AP3D1: variants seen among roughly 807,000 people sequenced by gnomAD.
AP3D1 encodes the protein AP-3 complex subunit delta-1.
AP3D1 carries 51 observed loss-of-function variants against 147.6 expected under a neutral mutation model. The ratio of observed to expected loss-of-function variants is 0.35; its 90% CI spans 0.28 to 0.44. The LOEUF (loss-of-function observed/expected upper bound fraction) is 0.44, where lower values mean the gene tolerates loss of function less well. AP3D1 is among the 20% of genes least tolerant of loss of function. AP3D1 has a pLI of 1.00. For synonymous variants in AP3D1, 760 were observed against 663.0 expected (o/e 1.15, Z -2.25); for missense variants, 1,421 against 1,624.2 (o/e 0.87, Z 2.15).
chr19:2,147,326 CA>C (rs1460838320), intron 1 of AP3D1, among the ~76,000 whole-genome samples: 1 of 92,516 alleles, frequency 1.1e-5, no homozygotes, highest in African/African-American at 4.3e-5. Flanking sequence ...GCCTGGGCAA[CA>C]AGAGCAAAAC....
At chr19:2,129,583 T>G (rs756992145) in intron 6 of AP3D1, 126 bp from the exon 7 acceptor site, 2 of 1,176,196 alleles carry the variant, frequency 1.7e-6, no homozygotes, top group Non-Finnish European at 2.3e-6. Context: ...GCCCTGGCTC[T>G]GCCACCTCCT....
intron 9 of AP3D1, 86 bp from the exon 10 acceptor site, chr19:2,123,965 C>G: frequency 7.0e-7 from 1 of 1,435,192 alleles, no homozygotes; most frequent in Non-Finnish European, 9.6e-7. Context: ...CCAGCACCCC[C>G]TCGCCGGGAG....
chr19:2,155,849 G>A (rs1014939390), upstream of AP3D1, among the ~76,000 whole-genome samples: 2 of 152,078 alleles, frequency 1.3e-5, no homozygotes, highest in African/African-American at 4.8e-5. Flanking sequence ...TCAGGAGATT[G>A]AGACCATCCT....
chr19:2,118,946 C>T, intron 14 of AP3D1, 114 bp from the exon 15 acceptor site: 4 of 990,040 alleles, frequency 4.0e-6, no homozygotes, highest in Non-Finnish European at 5.9e-6. Context: ...CTGGGCCCTT[C>T]CCATTCCCTG....
Position 2,138,637 on chromosome 19 carries a change from C to G in AP3D1, c.174G>C (p.Ala58=), listed in dbSNP as rs1043664528. The change falls in exon 2 of 32, where the codon GCG becomes GCC. Residue 58 remains alanine (A), a synonymous_variant. Coordinates refer to ENST00000643116, the MANE Select transcript of AP3D1 (RefSeq NM_001261826.3). Reference sequence around the variant, plus strand: ...CACTTACATACGTCAGCTTGCAGACCGCGTTCGCCTTCACCGCTATGTTGT... The same window carrying G: ...CACTTACATACGTCAGCTTGCAGACGGCGTTCGCCTTCACCGCTATGTTGT... ...KQDNIAVKAN[A]VCKLTYLQML... is the part of the protein sequence containing the mutation. 6.2e-7 allele frequency: 1 copy of G among 1,613,882 alleles called. No homozygotes were observed. The highest frequency in any genetic ancestry group is 1.3e-5 in the African/African-American group (1 of 75,032).
In AP3D1 at chr19:2,115,600, G is replaced by T. The variant is rs770437984; in HGVS notation, c.2087C>A (p.Thr696Asn). The change falls in exon 19 of 32, where the codon ACC becomes AAC. Residue 696 changes from threonine to asparagine, a missense_variant. By Grantham distance (65) the Thr-to-Asn change is moderately conservative. This residue lies in a region of AP3D1 where 791 missense variants were observed against 761.4 expected (regional missense o/e 1.04). Coordinates refer to ENST00000643116, the MANE Select transcript of AP3D1 (RefSeq NM_001261826.3). Reference protein sequence around the residue: ...SPSPQKRYQDTPGVEHIPVVQ... With the variant: ...SPSPQKRYQDNPGVEHIPVVQ... ...CACGGGAATGTGCTCCACGCCCGGG[G>T]TGTCCTGGTACCGCTGCAAAGGCAA... 6.2e-7 allele frequency: 1 copy of T among 1,612,912 alleles called. No homozygotes were observed.
chr19:2,163,716 C>T (rs2019792262), intron 1 of AP3D1, among the ~76,000 whole-genome samples: 2 of 152,070 alleles, frequency 1.3e-5, no homozygotes, highest in Middle Eastern at 3.4e-3. Flanking sequence ...CCGCTTCGGG[C>T]CGGCGAGTGG....
intron 11 of AP3D1, 39 bp from the exon 12 acceptor site, chr19:2,121,918 A>G (rs372855806): frequency 6.3e-7 from 1 of 1,578,634 alleles, no homozygotes; most frequent in African/African-American, 1.4e-5. Flanking sequence ...TGGGACGGAC[A>G]CAGGCAGCAG....
In AP3D1 at chr19:2,105,436, CG is replaced by C. The variant is rs1229806121; in HGVS notation, c.3553-3169del. On this transcript the variant is annotated intron_variant, in intron 31 of 31. Transcript: ENST00000643116. ...CTTAAGCCACAAACAATAGCATGAG[CG>C]AGCTGTGTCTTCAGGGCGTGTTCCT... Among the ~76,000 whole-genome samples the C allele has an allele frequency of 2.0e-5, 3 of 152,248 alleles. No individual in the cohort carries two copies. The East Asian group carries it at 5.8e-4, about 29-fold the overall frequency.
chr19:2,117,536 C>A (rs186756875), intron 15 of AP3D1, among the ~76,000 whole-genome samples, 169 bp from the exon 16 acceptor site: 2 of 152,224 alleles, frequency 1.3e-5, no homozygotes, highest in African/African-American at 4.8e-5. Context: ...TCATCATCCT[C>A]GCCAGGAAGC....
At chr19:2,140,324 C>T (rs971495986) in intron 1 of AP3D1, among the ~76,000 whole-genome samples, 3 of 152,050 alleles carry the variant, frequency 2.0e-5, no homozygotes, top group Admixed American at 6.6e-5. Context: ...GGCGTGCACC[C>T]GAGGGGATGG....
In AP3D1 at chr19:2,115,480, C is replaced by T. The variant is rs2066779; in HGVS notation, c.2149+58G>A. The T allele has an allele frequency of 0.048, 76,402 of 1,608,240 alleles. 2,881 individuals are homozygous for T. The highest frequency in any genetic ancestry group is 0.22 in the East Asian group (10,001 of 44,750). ...CCCCAGGGGCTCACGGGGAGGGCGGCGGGAGCACCCCACAGCCCATGTGAC... is the reference window on the plus strand; with the variant it reads ...CCCCAGGGGCTCACGGGGAGGGCGGTGGGAGCACCCCACAGCCCATGTGAC... On this transcript the variant is annotated intron_variant, in intron 19 of 31. Coordinates refer to ENST00000643116, the MANE Select transcript of AP3D1 (RefSeq NM_001261826.3).
intron 2 of AP3D1, among the ~76,000 whole-genome samples, chr19:2,138,134 C>T (rs550749726): frequency 3.3e-5 from 5 of 152,330 alleles, no homozygotes; most frequent in African/African-American, 1.2e-4. Context: ...ACGAGACGAG[C>T]AGCAGCATGG....
At chr19:2,116,105 CAGGA>C in intron 18 of AP3D1, 98 bp downstream of exon 18, 2 of 1,199,326 alleles carry the variant, frequency 1.7e-6, no homozygotes, top group Non-Finnish European at 2.4e-6. Context: ...GCTCCATTCC[CAGGA>C]TCTTCCTGAG....
chr19:2,164,440 T>C (rs567097785), exon 1 of AP3D1: 3 of 404,328 alleles, frequency 7.4e-6, no homozygotes, highest in Non-Finnish European at 1.2e-5. Context: ...CCCGCGGCTG[T>C]TTCCCGCAGG....
intron 9 of AP3D1, among the ~76,000 whole-genome samples, chr19:2,124,493 C>T (rs944187201): frequency 9.2e-5 from 14 of 152,160 alleles, no homozygotes; most frequent in Admixed American, 2.0e-4. Flanking sequence ...GCCAGGGGAC[C>T]GCCAGGCACA....
intron 31 of AP3D1, among the ~76,000 whole-genome samples, chr19:2,106,710 G>A (rs150511295): frequency 1.1e-4 from 16 of 152,282 alleles, no homozygotes; most frequent in African/African-American, 2.6e-4. Context: ...AACAAAATAT[G>A]ATTCTGCTGT....
rs1360833370 is a variant in AP3D1, at chr19:2,112,875, C to T, written c.2772G>A (p.Gly924=). 1.2e-6 allele frequency: 2 copies of T among 1,611,852 alleles called. No individual in the cohort carries two copies. Among genetic ancestry groups the T allele is most frequent in the Non-Finnish European group, 1.7e-6 (2 of 1,178,978 alleles). Residue 924 remains glycine, a synonymous_variant, in exon 24 of 32, where the codon GGG becomes GGA. Coordinates refer to ENST00000643116, the MANE Select transcript of AP3D1 (RefSeq NM_001261826.3). ...EAQGEEDDAE[G]QDQDKKSPKP... is the part of the protein sequence containing the mutation. ...ACAGCCTCACCTTGTCCTGGTCTTG[C>T]CCCTCGGCATCGTCCTCCTCGCCCT... is the stretch of plus-strand genomic sequence containing the variant.
chr19:2,136,204 A>G (rs929475713), intron 4 of AP3D1, among the ~76,000 whole-genome samples: 1 of 152,252 alleles, frequency 6.6e-6, no homozygotes, highest in African/African-American at 2.4e-5. Flanking sequence ...TGAGCCCAGC[A>G]GAGCCAACAG....
Sources: gnomAD v4.1 joint callset for allele counts (sites outside exome capture counted in the v4.1 genomes callset) on GRCh38, gnomAD v4.1.1 for gene constraint, gnomAD v4.1.1 regional missense constraint, MANE v1.5 for transcripts, NCBI Gene and HGNC (gene_info 2026-07-23, HGNC 2026-07-21) for gene names.